The following SLCO6A1 variants were observed in gnomAD, a reference collection of about 807,000 sequenced individuals.
SLCO6A1 encodes the protein cancer/testis antigen 48.
In SLCO6A1, 65 loss-of-function variants were observed where a neutral mutation model predicts 72.7. The observed-to-expected ratio is 0.89, with a 90% CI of 0.73 to 1.10. SLCO6A1 has a LOEUF of 1.10. Among genes scored for constraint, SLCO6A1 ranks in the 50% least tolerant of loss-of-function variants. The pLI, the probability that SLCO6A1 is intolerant of heterozygous loss-of-function variation, is 0.00. For missense variants in SLCO6A1, 874 were observed against 872.6 expected (o/e 1.00, Z -0.02); for synonymous variants, 314 against 298.2 (o/e 1.05, Z -0.55).
At chr5:102,489,643 T>G (rs1752588239) in intron 1 of SLCO6A1, among the ~76,000 whole-genome samples, 1 of 152,206 alleles carries the variant, frequency 6.6e-6, no homozygotes, top group South Asian at 2.1e-4. Flanking sequence ...TTATACACTG[T>G]TGGTGGGAAT....
intron 4 of SLCO6A1, among the ~76,000 whole-genome samples, chr5:102,473,039 G>A (rs754065973): frequency 6.6e-6 from 1 of 151,898 alleles, no homozygotes; most frequent in Non-Finnish European, 1.5e-5. Flanking sequence ...CTGGAGAACC[G>A]TACCAAATAT....
Position 102,419,855 on chromosome 5 carries a change from T to C in SLCO6A1, c.1443A>G (p.Gln481=), listed in dbSNP as rs139774021. ...FIIFVRCNPV[Q]FAGINEDYDG... is the part of the protein sequence containing the mutation. ...CATAATCTTCATTGATCCCAGCAAA[T>C]TGCACTGGATTACAGCGTACAAAAA... Residue 481 remains glutamine, a synonymous_variant, in exon 8 of 14, where the codon CAA becomes CAG. Coordinates refer to ENST00000506729, the MANE Select transcript of SLCO6A1 (RefSeq NM_173488.5). 15 of 1,600,010 alleles carry C rather than the reference T, an allele frequency of 9.4e-6. No individual in the cohort carries two copies. Among genetic ancestry groups the C allele is most frequent in the East Asian group, 2.3e-5 (1 of 44,370 alleles).
chr5:102,465,901 T>C (rs1006098115), intron 4 of SLCO6A1, among the ~76,000 whole-genome samples: 4 of 152,142 alleles, frequency 2.6e-5, no homozygotes, highest in African/African-American at 9.7e-5. Flanking sequence ...AAGAATCAAG[T>C]AAATCCCCTG....
intron 1 of SLCO6A1, among the ~76,000 whole-genome samples, chr5:102,485,542 C>G (rs1752411209): frequency 6.6e-6 from 1 of 152,164 alleles, no homozygotes; most frequent in African/African-American, 2.4e-5. Flanking sequence ...TGCATGCCTA[C>G]ATGACTGACA....
chr5:102,449,546 C>T (rs1273408971), intron 6 of SLCO6A1, among the ~76,000 whole-genome samples: 2 of 152,070 alleles, frequency 1.3e-5, no homozygotes, highest in African/African-American at 4.8e-5. Context: ...GCCACCACAC[C>T]CAGCTAATTT....
intron 6 of SLCO6A1, among the ~76,000 whole-genome samples, chr5:102,442,095 G>A (rs1361205306): frequency 6.6e-6 from 1 of 152,084 alleles, no homozygotes; most frequent in Non-Finnish European, 1.5e-5. Context: ...GTCTGTACTA[G>A]CTGCAACAGG....
Position 102,440,143 on chromosome 5 carries a change from C to T in SLCO6A1, c.1132-1382G>A, listed in dbSNP as rs186746044. 3.3e-3 allele frequency among the ~76,000 whole-genome samples: 496 copies of T among 152,246 alleles called. 1 individual carries two copies. The highest frequency in any genetic ancestry group is 0.011 in the African/African-American group (475 of 41,542). On this transcript the variant is annotated intron_variant, in intron 6 of 13. Coordinates refer to ENST00000506729, the MANE Select transcript of SLCO6A1 (RefSeq NM_173488.5). ...GGATATGTATGGGTATTCTAGCAAA[C>T]AGACAGTATCAAAAAACTATAGAGC...
intron 4 of SLCO6A1, among the ~76,000 whole-genome samples, chr5:102,464,343 A>C (rs1751206361): frequency 6.6e-6 from 1 of 152,196 alleles, no homozygotes; most frequent in African/African-American, 2.4e-5. Context: ...TATTTGTCAT[A>C]GGTCTAGCAA....
At chr5:102,394,401 G>A (rs542132978) in intron 10 of SLCO6A1, among the ~76,000 whole-genome samples, 8 of 152,056 alleles carry the variant, frequency 5.3e-5, no homozygotes, top group Non-Finnish European at 1.2e-4. Flanking sequence ...AAGGCACACT[G>A]GAGAAATTTG....
chr5:102,458,031 C>T (rs887604207), intron 6 of SLCO6A1, among the ~76,000 whole-genome samples: 3 of 151,730 alleles, frequency 2.0e-5, no homozygotes, highest in African/African-American at 7.3e-5. Flanking sequence ...CGTTCTCACT[C>T]ATAGGTGGGA....
intron 1 of SLCO6A1, among the ~76,000 whole-genome samples, chr5:102,489,530 A>C: frequency 6.6e-6 from 1 of 152,212 alleles, no homozygotes; most frequent in East Asian, 1.9e-4. Flanking sequence ...ATCACTAATC[A>C]TCAGGGGAAT....
intron 1 of SLCO6A1, among the ~76,000 whole-genome samples, chr5:102,485,713 G>A (rs1356433587): frequency 6.6e-6 from 1 of 152,158 alleles, no homozygotes; most frequent in East Asian, 1.9e-4. Context: ...CATCCCATGT[G>A]CCTTTTCCCT....
chr5:102,377,502 T>A (rs985298837), intron 12 of SLCO6A1, among the ~76,000 whole-genome samples: 1 of 151,992 alleles, frequency 6.6e-6, no homozygotes, highest in African/African-American at 2.4e-5. Context: ...ATGGGAAAAA[T>A]TTCCATATTT....
intron 4 of SLCO6A1, among the ~76,000 whole-genome samples, chr5:102,468,797 T>C (rs139597532): frequency 1.3e-5 from 2 of 151,986 alleles, no homozygotes; most frequent in South Asian, 4.1e-4. Context: ...TTTTAGGTCT[T>C]ACATTTAAGT....
intron 7 of SLCO6A1, among the ~76,000 whole-genome samples, chr5:102,434,904 GA>G (rs1406848367): frequency 6.6e-6 from 1 of 151,542 alleles, no homozygotes; most frequent in Admixed American, 6.6e-5. Flanking sequence ...AGTGTAAAAA[GA>G]AAAAAAATTA....
intron 6 of SLCO6A1, among the ~76,000 whole-genome samples, chr5:102,443,143 G>A (rs1334140246): frequency 2.0e-5 from 3 of 152,124 alleles, no homozygotes; most frequent in Non-Finnish European, 2.9e-5. Flanking sequence ...CTTGCAATGA[G>A]CTGAGATGGC....
At chr5:102,421,113 T>C (rs904740742) in intron 7 of SLCO6A1, among the ~76,000 whole-genome samples, 1 of 152,190 alleles carries the variant, frequency 6.6e-6, no homozygotes, top group Non-Finnish European at 1.5e-5. Flanking sequence ...CCCATGGTTT[T>C]GGCAATCCAC....
chr5:102,409,422 T>C (rs1353284016), intron 9 of SLCO6A1, among the ~76,000 whole-genome samples: 1 of 152,170 alleles, frequency 6.6e-6, no homozygotes, highest in Non-Finnish European at 1.5e-5. Flanking sequence ...ATTCCATTAA[T>C]AGCATATAGG....
At chr5:102,379,931 G>T (rs1580319639) in intron 12 of SLCO6A1, among the ~76,000 whole-genome samples, 1 of 151,968 alleles carries the variant, frequency 6.6e-6, no homozygotes, top group East Asian at 1.9e-4. Flanking sequence ...GTAGTTGTCA[G>T]TGTAGACGTT....
Sources: allele counts gnomAD v4.1 joint callset (sites outside exome capture counted in the v4.1 genomes callset), GRCh38; gene constraint gnomAD v4.1.1; transcripts MANE v1.5; gene names NCBI Gene and HGNC (gene_info 2026-07-23, HGNC 2026-07-21).